The following EFTUD2 variants were observed in gnomAD, a reference collection of about 807,000 sequenced individuals.
EFTUD2 encodes the protein 116 kDa U5 small nuclear ribonucleoprotein component.
EFTUD2 carries 9 observed loss-of-function variants against 114.3 expected under a neutral mutation model. That is an observed-to-expected ratio of 0.08 (90% CI 0.05 to 0.14). The LOEUF (loss-of-function observed/expected upper bound fraction) is 0.14. Among genes scored for constraint, EFTUD2 ranks in the 10% least tolerant of loss-of-function variants. The pLI, the probability that EFTUD2 is intolerant of heterozygous loss-of-function variation, is 1.00. For missense variants in EFTUD2, 765 were observed against 1,241.2 expected, an observed-to-expected ratio of 0.62 and a Z score of 5.76; for synonymous variants, 449 against 462.3, an observed-to-expected ratio of 0.97 and a Z score of 0.37.
chr17:44,851,595 T>C, intron 27 of EFTUD2, 115 bp downstream of exon 27: 4 of 1,145,026 alleles, frequency 3.5e-6, no homozygotes, highest in Non-Finnish European at 3.7e-6. Flanking sequence ...ACAGATCATA[T>C]CTCTACATTG....
chr17:44,872,810 G>A (rs1204647008), intron 10 of EFTUD2: 1 of 297,438 alleles, frequency 3.4e-6, no homozygotes, highest in Non-Finnish European at 6.2e-6. Flanking sequence ...TCTTGGAAAA[G>A]TTAACTGCAC....
At chr17:44,866,676 G>C (rs1567738187) in intron 13 of EFTUD2, among the ~76,000 whole-genome samples, 1 of 152,114 alleles carries the variant, frequency 6.6e-6, no homozygotes, top group East Asian at 1.9e-4. Flanking sequence ...ACTGTGCCCA[G>C]CTCAGACATA....
chr17:44,856,872 A>G (rs187052830), intron 20 of EFTUD2, among the ~76,000 whole-genome samples: 27 of 152,344 alleles, frequency 1.8e-4, no homozygotes, highest in East Asian at 1.9e-4. Context: ...GGAATACCCA[A>G]GGCGAATAAT....
chr17:44,865,553 T>A (rs573741068), intron 13 of EFTUD2, among the ~76,000 whole-genome samples: 2 of 152,282 alleles, frequency 1.3e-5, no homozygotes, highest in East Asian at 1.9e-4. Flanking sequence ...TTTTTATTAA[T>A]CCATTCCAGT....
At chr17:44,852,592 T>C in intron 25 of EFTUD2, 30 bp from the exon 26 acceptor site, 1 of 1,610,112 alleles carries the variant, frequency 6.2e-7, no homozygotes, top group African/African-American at 1.3e-5. Context: ...GCTGAGCCTC[T>C]AGTCAAACAT....
At position 44,876,392 on chromosome 17, in the gene EFTUD2, G is replaced by A. The variant is rs113473506; in HGVS notation, c.703-292C>T. On this transcript the variant is annotated intron_variant, in intron 9 of 27. Coordinates refer to ENST00000426333, the MANE Select transcript of EFTUD2 (RefSeq NM_004247.4). ...AAGGCTGGGAAGAGCCAGTGGTGCT[G>A]AAATGGAATTGGGGGTATTAGGATT... 6.6e-3 allele frequency among the ~76,000 whole-genome samples: 1,009 copies of A among 152,288 alleles called. 10 individuals are homozygous for A. The highest frequency in any genetic ancestry group is 0.015 in the African/African-American group (615 of 41,556).
chr17:44,868,566 G>A (rs1045898277), intron 11 of EFTUD2: 1 of 530,778 alleles, frequency 1.9e-6, no homozygotes, highest in South Asian at 2.7e-5. Flanking sequence ...GAGCCAAAAT[G>A]AGAACCCAAG....
Position 44,879,585 on chromosome 17 carries a change from C to T in EFTUD2, c.673G>A (p.Val225Met), listed in dbSNP as rs1474203972. 3.1e-6 allele frequency: 5 copies of T among 1,614,070 alleles called. No individual in the cohort carries two copies. The highest frequency in any genetic ancestry group is 4.2e-6 in the Non-Finnish European group (5 of 1,179,992). The part of the protein sequence containing the change: ...VTAGLRISDG[V>M]VLFIDAAEGV... ...TCAGCAGCATCAATGAAAAGGACCA[C>T]TCCATCTGAGATGCGCAAGCCAGCT... is the stretch of plus-strand genomic sequence containing the variant. The change falls in exon 9 of 28, where the codon GTG becomes ATG. Residue 225 changes from valine to methionine, a missense_variant. Physicochemically the swap from Val to Met is conservative, Grantham distance 21. This residue lies in a region of EFTUD2 where 251 missense variants were observed against 357.7 expected (regional missense o/e 0.70). Coordinates refer to ENST00000426333, the MANE Select transcript of EFTUD2 (RefSeq NM_004247.4).
intron 26 of EFTUD2, 25 bp from the exon 27 acceptor site, chr17:44,851,842 G>T: frequency 6.3e-7 from 1 of 1,581,838 alleles, no homozygotes; most frequent in African/African-American, 1.3e-5. Flanking sequence ...AATTTCAGAT[G>T]GCCCAGGCAG....
At chr17:44,887,300 G>A (rs2051192544) in intron 2 of EFTUD2, among the ~76,000 whole-genome samples, 1 of 152,090 alleles carries the variant, frequency 6.6e-6, no homozygotes, top group Non-Finnish European at 1.5e-5. Flanking sequence ...ATATGACCCA[G>A]CAAGTCCACT....
At chr17:44,860,228 AGAG>A in intron 17 of EFTUD2, 183 bp from the exon 18 acceptor site, 1 of 862,398 alleles carries the variant, frequency 1.2e-6, no homozygotes, top group Non-Finnish European at 1.8e-6. Flanking sequence ...CAGAACAAAG[AGAG>A]GAGGAAAATA....
chr17:44,871,473 G>C lies in EFTUD2; in HGVS notation c.994+973C>G, dbSNP rs1471075245. 2.0e-5 allele frequency among the ~76,000 whole-genome samples: 3 copies of C among 151,922 alleles called. No individual in the cohort carries two copies. The East Asian group carries it at 5.8e-4, about 29-fold the overall frequency. ...TCCTGCCTCAGACTCCCAGTAGCTG[G>C]GACTACACGTGCCCGCCACCACGCC... On this transcript the variant is annotated intron_variant, in intron 11 of 27. Transcript: ENST00000426333.
rs1071682 is a variant in EFTUD2 at position 44,850,353 on chromosome 17, G to A, written c.*921C>T. 0.34 allele frequency: 544,382 copies of A among 1,609,674 alleles called. 96,044 individuals carry two copies. The highest frequency in any genetic ancestry group is 0.43 in the Middle Eastern group (2,613 of 6,026). ...ACAGGTGCTGTGTACACAATGTACA[G>A]CGATTACGTCAAGAGGATGGCACAG... On this transcript the variant is annotated 3_prime_UTR_variant, in exon 28 of 28. Coordinates refer to ENST00000426333, the MANE Select transcript of EFTUD2 (RefSeq NM_004247.4).
intron 9 of EFTUD2, among the ~76,000 whole-genome samples, chr17:44,878,164 AAG>A (rs1340415745): frequency 2.6e-5 from 4 of 152,128 alleles, no homozygotes; most frequent in Admixed American, 2.6e-4. Flanking sequence ...AAGGAATAAG[AAG>A]AGTTAGAAGA....
chr17:44,862,299 G>C (rs1325151385), intron 16 of EFTUD2, among the ~76,000 whole-genome samples: 1 of 152,152 alleles, frequency 6.6e-6, no homozygotes, highest in Non-Finnish European at 1.5e-5. Flanking sequence ...GCCAGACATA[G>C]TGGTGTGTGC....
intron 13 of EFTUD2, among the ~76,000 whole-genome samples, chr17:44,866,404 C>T (rs898684948): frequency 7.1e-6 from 1 of 140,176 alleles, no homozygotes; most frequent in Non-Finnish European, 1.6e-5. Context: ...ACCACCAGTC[C>T]CAGTTGATTT....
chr17:44,884,100 C>T (rs949425773), intron 4 of EFTUD2: 1 of 196,354 alleles, frequency 5.1e-6, no homozygotes, highest in Admixed American at 5.2e-5. Context: ...AACCCTGTCT[C>T]TACTAAAAAT....
At position 44,883,247 on chromosome 17, in the gene EFTUD2, AG is replaced by A. The variant is rs2051105524; in HGVS notation, c.427-90del. 3 of 1,211,332 alleles carry A rather than the reference AG, an allele frequency of 2.5e-6. No individual in the cohort carries two copies. The South Asian group carries it at 3.9e-5, about 16-fold the overall frequency. 75.0% of individuals were successfully genotyped at this position (1,211,332 alleles called of 1,614,324 possible). ...CAGCTCCCAATACACCACATAATTT[AG>A]GGATAAGGAGAGAAAAAGGAGAGCA... On this transcript the variant is annotated intron_variant, in intron 5 of 27. Coordinates refer to ENST00000426333, the MANE Select transcript of EFTUD2 (RefSeq NM_004247.4).
At chr17:44,876,140 G>C (rs745670736) in intron 9 of EFTUD2, 40 bp from the exon 10 acceptor site, 1 of 1,582,012 alleles carries the variant, frequency 6.3e-7, no homozygotes, top group South Asian at 1.1e-5. Context: ...AGAAGAACAA[G>C]GAGGGCAGAA....
Sources: allele counts gnomAD v4.1 joint callset (sites outside exome capture counted in the v4.1 genomes callset), GRCh38; gene constraint gnomAD v4.1.1; regional missense constraint gnomAD v4.1.1; transcripts MANE v1.5; gene names NCBI Gene and HGNC (gene_info 2026-07-23, HGNC 2026-07-21).